Variants in WDR93 observed in about 807,000 individuals in gnomAD.
WDR93 encodes WD repeat domain 93.
Under a neutral mutation model 82.9 loss-of-function variants are expected in WDR93, and 73 were observed. That is an observed-to-expected ratio of 0.88 (90% CI 0.73 to 1.07). The LOEUF (loss-of-function observed/expected upper bound fraction) is 1.07. WDR93 is among the 50% of genes least tolerant of loss of function. WDR93 has a pLI of 0.00. For missense variants in WDR93, 738 were observed against 826.0 expected, an observed-to-expected ratio of 0.89 and a Z score of 1.31; for synonymous variants, 283 against 300.1, an observed-to-expected ratio of 0.94 and a Z score of 0.59.
chr15:89,742,310 G>A (rs983793859), intron 16 of WDR93, among the ~76,000 whole-genome samples: 3 of 152,020 alleles, frequency 2.0e-5, no homozygotes, highest in Admixed American at 1.3e-4. Flanking sequence ...ACAAATCAAA[G>A]CTATGGTCAT....
intron 5 of WDR93, among the ~76,000 whole-genome samples, chr15:89,713,981 T>C (rs1299173848): frequency 1.3e-5 from 2 of 152,178 alleles, no homozygotes; most frequent in Admixed American, 6.5e-5. Flanking sequence ...CAGGATCCCA[T>C]ACCATGGGAG....
intron 14 of WDR93, among the ~76,000 whole-genome samples, chr15:89,736,949 G>A (rs192263690): frequency 2.3e-4 from 35 of 152,188 alleles, no homozygotes; most frequent in Non-Finnish European, 2.2e-4. Context: ...CCGCTAGCAC[G>A]CCAGGCTAAT....
At chr15:89,742,930 G>A (rs1047042352) in intron 16 of WDR93, among the ~76,000 whole-genome samples, 5 of 152,228 alleles carry the variant, frequency 3.3e-5, no homozygotes, top group African/African-American at 7.2e-5. Context: ...TTCAGTCAGC[G>A]TAATGTCCTC....
At chr15:89,731,387 G>C (rs1966856667) in intron 11 of WDR93, 56 bp from the exon 12 acceptor site, 1 of 1,602,132 alleles carries the variant, frequency 6.2e-7, no homozygotes, top group African/African-American at 1.4e-5. Context: ...CCAGGTAGAA[G>C]TGATGGGTAG....
rs770236881 is a variant in WDR93 at position 89,701,717 on chromosome 15, T to C, written c.-30T>C. On this transcript the variant is annotated 5_prime_UTR_variant, in exon 2 of 17. Coordinates refer to ENST00000268130, the MANE Select transcript of WDR93 (RefSeq NM_020212.2). ...TACTTCTCTTATCAGCTTTTCAGTT[T>C]CATAGAGGTTCCCAGTGCCACCTTC... 23 of 1,592,826 alleles carry C rather than the reference T, an allele frequency of 1.4e-5. No individual in the cohort carries two copies. In the African/African-American group the frequency reaches 2.3e-4, roughly 16 times the overall value.
chr15:89,697,032 G>C (rs1051338348), intron 1 of WDR93, among the ~76,000 whole-genome samples: 1 of 151,974 alleles, frequency 6.6e-6, no homozygotes, highest in African/African-American at 2.4e-5. Context: ...GCAGTGGCAT[G>C]ATCACAGCTC....
chr15:89,709,936 G>A (rs1254756249), intron 4 of WDR93, among the ~76,000 whole-genome samples: 6 of 152,198 alleles, frequency 3.9e-5, no homozygotes, highest in East Asian at 1.9e-4. Flanking sequence ...TGAGGCGGGC[G>A]GATCACGAGG....
chr15:89,697,651 A>G (rs12907064), intron 1 of WDR93, among the ~76,000 whole-genome samples: 66,455 of 151,988 alleles, frequency 0.44, 15,014 homozygotes, highest in African/African-American at 0.5. Context: ...ATTGGAAAAA[A>G]TTACTTAATA....
At chr15:89,735,384 A>G in intron 13 of WDR93, 106 bp from the exon 14 acceptor site, 1 of 1,191,060 alleles carries the variant, frequency 8.4e-7, no homozygotes, top group South Asian at 1.3e-5. Context: ...CTCCTCACAT[A>G]TTTCTTGATT....
In WDR93 at chr15:89,729,010, C is replaced by CT. The variant is rs1170771774; in HGVS notation, c.1053-10dup. Reference sequence around the variant, plus strand: ...GTCTACATGGCTCTGACTCGTGTGTCTTTCTTTCCCAGTACGGCCACCTTC... The same window carrying CT: ...GTCTACATGGCTCTGACTCGTGTGTCTTTTCTTTCCCAGTACGGCCACCTTC... On this transcript the variant is annotated splice_polypyrimidine_tract_variant and intron_variant, in intron 9 of 16. Transcript: ENST00000268130. 5.6e-6 allele frequency: 9 copies of CT among 1,613,518 alleles called. No individual in the cohort carries two copies. Among genetic ancestry groups the CT allele is most frequent in the Non-Finnish European group, 7.6e-6 (9 of 1,179,530 alleles).
intron 16 of WDR93, among the ~76,000 whole-genome samples, chr15:89,738,626 CAAA>C (rs34617270): frequency 3.9e-4 from 32 of 81,440 alleles, no homozygotes; most frequent in African/African-American, 6.5e-4. Flanking sequence ...GACTCTGTCC[CAAA>C]AAAAAAAAAA....
chr15:89,718,436 T>G (rs1966360999), intron 7 of WDR93, among the ~76,000 whole-genome samples: 2 of 151,516 alleles, frequency 1.3e-5, no homozygotes, highest in East Asian at 1.9e-4. Flanking sequence ...ATCACACCAC[T>G]GCACTCCAGC....
chr15:89,735,559 T>C lies in WDR93; in HGVS notation c.1608+6T>C. On this transcript the variant is annotated splice_donor_region_variant and intron_variant, in intron 14 of 16. Coordinates refer to ENST00000268130, the MANE Select transcript of WDR93 (RefSeq NM_020212.2). Reference sequence around the variant, plus strand: ...TCCCAGCCTTACCTGGCATGGTAGGTTCCCCATGCCTCTCTGTAAATGCCC... The same window carrying C: ...TCCCAGCCTTACCTGGCATGGTAGGCTCCCCATGCCTCTCTGTAAATGCCC... 1 of 1,613,430 alleles carries C rather than the reference T, an allele frequency of 6.2e-7. No homozygotes were observed.
intron 5 of WDR93, among the ~76,000 whole-genome samples, chr15:89,713,070 C>T (rs532329914): frequency 1.3e-5 from 2 of 150,222 alleles, no homozygotes; most frequent in Admixed American, 1.3e-4. Flanking sequence ...TTGCAGTGAG[C>T]CGAGATCGTG....
intron 16 of WDR93, 91 bp from the exon 17 acceptor site, chr15:89,743,201 A>G: frequency 3.2e-6 from 4 of 1,266,660 alleles, no homozygotes; most frequent in South Asian, 2.4e-5. Flanking sequence ...AGTTTCTCAT[A>G]GGAGCACAGG....
At chr15:89,694,255 T>C (rs1192973268) in intron 1 of WDR93, among the ~76,000 whole-genome samples, 3 of 148,388 alleles carry the variant, frequency 2.0e-5, no homozygotes, top group Admixed American at 6.7e-5. Context: ...TTTCTTTTTT[T>C]TTTTTTTTTT....
chr15:89,732,660 C>T (rs1015885911), intron 12 of WDR93, among the ~76,000 whole-genome samples: 12 of 151,498 alleles, frequency 7.9e-5, no homozygotes, highest in Non-Finnish European at 1.5e-4. Context: ...TCTGAAACAG[C>T]TGTGCCTCCC....
intron 5 of WDR93, among the ~76,000 whole-genome samples, chr15:89,712,396 C>CTTTTTTTTTTTTTTTTTTTTTTTTTTT (rs1170109589): frequency 5.0e-5 from 4 of 80,512 alleles, no homozygotes; most frequent in African/African-American, 1.6e-4. Flanking sequence ...TTCCACTAAT[C>CTTTTTTTTTTTTTTTTTTTTTTTTTTT]TTTTTTTTTT....
intron 1 of WDR93, among the ~76,000 whole-genome samples, 199 bp downstream of exon 1, chr15:89,691,056 C>T (rs1964849573): frequency 1.3e-5 from 2 of 152,152 alleles, no homozygotes; most frequent in African/African-American, 2.4e-5. Flanking sequence ...TCTCTCCAGC[C>T]TCAGAACTCC....
Sources: allele counts gnomAD v4.1 joint callset (sites outside exome capture counted in the v4.1 genomes callset), GRCh38; gene constraint gnomAD v4.1.1; transcripts MANE v1.5; gene names NCBI Gene and HGNC (gene_info 2026-07-23, HGNC 2026-07-21).